Variants in PAPPA observed in about 807,000 individuals in gnomAD.
PAPPA encodes pappalysin 1.
PAPPA carries 60 observed loss-of-function variants against 164.0 expected under a neutral mutation model. The ratio of observed to expected loss-of-function variants is 0.37; its 90% CI spans 0.30 to 0.45. The LOEUF (loss-of-function observed/expected upper bound fraction) is 0.45, where lower values mean the gene tolerates loss of function less well. PAPPA is among the 20% of genes least tolerant of loss of function. The probability of loss-of-function intolerance (pLI) is 1.00; values close to 1 mark genes in which losing one functional copy is unlikely to be tolerated. For missense variants in PAPPA, 1,782 were observed against 2,087.3 expected (o/e 0.85, Z 2.85); for synonymous variants, 875 against 814.1 (o/e 1.07, Z -1.27).
chr9:116,345,908 G>C (rs952928919), intron 14 of PAPPA, among the ~76,000 whole-genome samples: 1 of 152,132 alleles, frequency 6.6e-6, no homozygotes, highest in African/African-American at 2.4e-5. Flanking sequence ...CATTTTCCAG[G>C]GCTGGTCAGT....
intron 1 of PAPPA, among the ~76,000 whole-genome samples, chr9:116,175,621 T>G (rs772794791): frequency 2.0e-5 from 3 of 152,172 alleles, no homozygotes; most frequent in Non-Finnish European, 2.9e-5. Flanking sequence ...CACATAAATC[T>G]TTCATTTATT....
At chr9:116,257,769 A>G (rs1423996917) in intron 7 of PAPPA, among the ~76,000 whole-genome samples, 3 of 152,022 alleles carry the variant, frequency 2.0e-5, no homozygotes, top group Admixed American at 6.6e-5. Flanking sequence ...CATCTACTGG[A>G]AACAATATAG....
At chr9:116,307,259 G>C (rs1419260241) in intron 10 of PAPPA, among the ~76,000 whole-genome samples, 3 of 152,086 alleles carry the variant, frequency 2.0e-5, no homozygotes, top group African/African-American at 7.2e-5. Flanking sequence ...ATTTTGAGTT[G>C]CTATTATCAT....
intron 15 of PAPPA, among the ~76,000 whole-genome samples, chr9:116,349,532 A>G (rs1483928830): frequency 1.3e-5 from 2 of 152,120 alleles, no homozygotes; most frequent in Non-Finnish European, 2.9e-5. Flanking sequence ...TCTCTCCTTG[A>G]GTTCTGTTCT....
chr9:116,374,242 G>A (rs922793122), intron 19 of PAPPA, among the ~76,000 whole-genome samples: 12 of 136,976 alleles, frequency 8.8e-5, no homozygotes, highest in Admixed American at 2.3e-4. Flanking sequence ...GATGATGATG[G>A]TAATTGCAAC....
chr9:116,355,055 T>A (rs1846335034), intron 17 of PAPPA, among the ~76,000 whole-genome samples: 1 of 152,164 alleles, frequency 6.6e-6, no homozygotes, highest in Non-Finnish European at 1.5e-5. Flanking sequence ...TTCCTCAATA[T>A]CCCTTCCACT....
At chr9:116,246,620 G>A (rs1355080162) in intron 7 of PAPPA, among the ~76,000 whole-genome samples, 1 of 152,076 alleles carries the variant, frequency 6.6e-6, no homozygotes, top group Non-Finnish European at 1.5e-5. Flanking sequence ...AAACTTCCTG[G>A]CATGCAAGAC....
intron 9 of PAPPA, among the ~76,000 whole-genome samples, chr9:116,302,359 A>G (rs1845589642): frequency 1.3e-5 from 2 of 152,016 alleles, no homozygotes; most frequent in South Asian, 4.2e-4. Context: ...GAAACCACAT[A>G]CTCACTGAAA....
chr9:116,327,078 T>C (rs548571269), intron 10 of PAPPA, among the ~76,000 whole-genome samples: 2 of 152,216 alleles, frequency 1.3e-5, no homozygotes, highest in Admixed American at 1.3e-4. Flanking sequence ...TTGAGCTCCA[T>C]GGAATCTCTC....
chr9:116,290,773 A>G (rs1308917744), intron 9 of PAPPA, among the ~76,000 whole-genome samples: 1 of 150,186 alleles, frequency 6.7e-6, no homozygotes, highest in Non-Finnish European at 1.5e-5. Flanking sequence ...GCCATCTTTT[A>G]TTACCCTCTT....
chr9:116,336,939 C>A (rs1056175097), intron 13 of PAPPA, among the ~76,000 whole-genome samples: 2 of 152,132 alleles, frequency 1.3e-5, no homozygotes, highest in African/African-American at 4.8e-5. Context: ...TAGAAAGGAA[C>A]ATTATCTTAT....
intron 10 of PAPPA, among the ~76,000 whole-genome samples, chr9:116,326,485 C>G (rs1233706438): frequency 6.6e-6 from 1 of 152,064 alleles, no homozygotes; most frequent in Non-Finnish European, 1.5e-5. Context: ...TAAATCTGTA[C>G]CAGGGGTTCA....
chr9:116,386,829 C>A (rs1404517428), intron 21 of PAPPA, among the ~76,000 whole-genome samples: 2 of 152,142 alleles, frequency 1.3e-5, no homozygotes, highest in East Asian at 3.9e-4. Flanking sequence ...AGTCTCCCAG[C>A]CTTCCCATCA....
At chr9:116,388,032 C>A (rs1846838889) in intron 21 of PAPPA, among the ~76,000 whole-genome samples, 1 of 151,876 alleles carries the variant, frequency 6.6e-6, no homozygotes, top group Non-Finnish European at 1.5e-5. Context: ...TCCGTGATGC[C>A]TTGGCCCAGC....
intron 10 of PAPPA, among the ~76,000 whole-genome samples, chr9:116,315,533 C>T (rs572455847): frequency 1.5e-4 from 23 of 152,312 alleles, no homozygotes; most frequent in Admixed American, 7.8e-4. Flanking sequence ...GGAGGCTGAG[C>T]GCCAGGAAGG....
chr9:116,331,173 T>C, intron 10 of PAPPA, 71 bp from the exon 11 acceptor site: 1 of 976,924 alleles, frequency 1.0e-6, no homozygotes, highest in Non-Finnish European at 1.6e-6. Context: ...AGTAAAGGTT[T>C]GTAAAATTGA....
chr9:116,287,701 CT>C (rs1845357694), intron 9 of PAPPA: 1 of 152,250 alleles, frequency 6.6e-6, no homozygotes, highest in Admixed American at 6.5e-5. Flanking sequence ...CCTGAGCCTT[CT>C]TTTCTTCAGG....
At chr9:116,320,023 G>C (rs920898934) in intron 10 of PAPPA, among the ~76,000 whole-genome samples, 2 of 152,190 alleles carry the variant, frequency 1.3e-5, no homozygotes, top group Non-Finnish European at 2.9e-5. Flanking sequence ...CTGTGTGTAT[G>C]AAATTGAGGA....
intron 9 of PAPPA, among the ~76,000 whole-genome samples, chr9:116,301,268 G>A: frequency 6.6e-6 from 1 of 152,172 alleles, no homozygotes; most frequent in East Asian, 1.9e-4. Flanking sequence ...TGGTTTGGAT[G>A]ATAAATTATA....
Sources: allele counts gnomAD v4.1 joint callset (sites outside exome capture counted in the v4.1 genomes callset), GRCh38; gene constraint gnomAD v4.1.1; transcripts MANE v1.5; gene names NCBI Gene and HGNC (gene_info 2026-07-23, HGNC 2026-07-21).